The following TPR variants were observed in gnomAD, a reference collection of about 807,000 sequenced individuals.
The protein encoded by TPR is nucleoprotein TPR.
Under a neutral mutation model 316.1 loss-of-function variants are expected in TPR, and 51 were observed. That is an observed-to-expected ratio of 0.16 (90% CI 0.13 to 0.20). The LOEUF (loss-of-function observed/expected upper bound fraction) is 0.20, where lower values mean the gene tolerates loss of function less well. Among genes scored for constraint, TPR ranks in the 10% least tolerant of loss-of-function variants. TPR has a pLI of 1.00. For missense variants in TPR, 2,272 were observed against 2,754.8 expected, an observed-to-expected ratio of 0.82 and a Z score of 3.92; for synonymous variants, 981 against 914.7, an observed-to-expected ratio of 1.07 and a Z score of -1.31.
At chr1:186,344,339 T>C (rs751022323) in intron 25 of TPR, 36 bp downstream of exon 25, 159 of 1,590,264 alleles carry the variant, frequency 1.0e-4, no homozygotes, top group Non-Finnish European at 1.3e-4. Context: ...ACTCTTTCAA[T>C]TCAACAGAAC....
Position 186,358,665 on chromosome 1 carries a change from T to C in TPR, c.1390-15A>G, listed in dbSNP as rs769862303. On this transcript the variant is annotated splice_polypyrimidine_tract_variant and intron_variant, in intron 12 of 50. Coordinates refer to ENST00000367478, the MANE Select transcript of TPR (RefSeq NM_003292.3). ...CGCTGAATCTCCTTTAAAATGTAAA[T>C]TCAAGTGAAAATTTTGTACTTCCTT... 5 of 1,607,238 alleles carry C rather than the reference T, an allele frequency of 3.1e-6. No individual in the cohort carries two copies. The highest frequency in any genetic ancestry group is 3.4e-6 in the Non-Finnish European group (4 of 1,176,884).
intron 43 of TPR, 78 bp from the exon 44 acceptor site, chr1:186,322,664 A>ATC: frequency 7.1e-7 from 1 of 1,404,666 alleles, no homozygotes; most frequent in South Asian, 1.2e-5. Context: ...CAACAGATAC[A>ATC]GCTTATTACG....
intron 12 of TPR, 27 bp downstream of exon 12, chr1:186,359,772 C>A: frequency 6.4e-7 from 1 of 1,566,892 alleles, no homozygotes; most frequent in Non-Finnish European, 8.6e-7. Context: ...ATTGTTACCA[C>A]GGCTAAATTT....
chr1:186,357,138 G>A (rs1659052574), intron 14 of TPR, among the ~76,000 whole-genome samples: 1 of 151,984 alleles, frequency 6.6e-6, no homozygotes. Flanking sequence ...TCAAACTCCT[G>A]GACTCAAGTG....
rs765308674 is a variant in TPR at position 186,341,381 on chromosome 1, T to C, written c.3759A>G (p.Ala1253=). 3 of 1,612,518 alleles carry C rather than the reference T, an allele frequency of 1.9e-6. No individual in the cohort carries two copies. Among genetic ancestry groups the C allele is most frequent in the Non-Finnish European group, 2.5e-6 (3 of 1,179,854 alleles). Residue 1253 remains alanine (A), a synonymous_variant, in exon 28 of 51, where the codon GCA becomes GCG. Coordinates refer to ENST00000367478, the MANE Select transcript of TPR (RefSeq NM_003292.3). ...NAEREKVQVT[A]KTMAQHEELM... Reference sequence around the variant, plus strand: ...GTTCTTCATGCTGAGCCATTGTTTTTGCAGTTACCTAAACATTTCAAATAA... The same window carrying C: ...GTTCTTCATGCTGAGCCATTGTTTTCGCAGTTACCTAAACATTTCAAATAA...
At chr1:186,357,813 C>G (rs1484757378) in intron 13 of TPR, among the ~76,000 whole-genome samples, 190 bp from the exon 14 acceptor site, 3 of 152,056 alleles carry the variant, frequency 2.0e-5, no homozygotes, top group African/African-American at 7.2e-5. Flanking sequence ...AATAAAATTA[C>G]TTTTAAGTAT....
chr1:186,320,120 G>C (rs144703230), intron 46 of TPR, among the ~76,000 whole-genome samples, 192 bp downstream of exon 46: 8 of 152,274 alleles, frequency 5.3e-5, no homozygotes, highest in African/African-American at 9.6e-5. Context: ...AAAGAAATTA[G>C]AACTTTGTTG....
intron 14 of TPR, chr1:186,356,666 T>G (rs1659037820): frequency 2.3e-6 from 1 of 432,626 alleles, no homozygotes; most frequent in Non-Finnish European, 4.1e-6. Flanking sequence ...CTGAAAAATT[T>G]GTTTGTAAAA....
At chr1:186,345,149 C>CT (rs1280203285) in intron 24 of TPR, among the ~76,000 whole-genome samples, 1 of 129,914 alleles carries the variant, frequency 7.7e-6, no homozygotes, top group Non-Finnish European at 1.8e-5. Context: ...AATAATGATA[C>CT]TTTTTTAACA....
intron 17 of TPR, 107 bp downstream of exon 17, chr1:186,355,303 T>G: frequency 8.4e-7 from 1 of 1,193,770 alleles, no homozygotes; most frequent in Admixed American, 2.5e-5. Flanking sequence ...TGGAACACAG[T>G]TCACAAAAAA....
chr1:186,351,762 A>C (rs1658868109), intron 19 of TPR, among the ~76,000 whole-genome samples: 1 of 152,182 alleles, frequency 6.6e-6, no homozygotes, highest in South Asian at 2.1e-4. Flanking sequence ...CACTGTAAAT[A>C]TACCTGAGGA....
Position 186,312,200 on chromosome 1 carries a change from T to A in TPR, c.*1771A>T. 6.2e-7 allele frequency: 1 copy of A among 1,614,006 alleles called. No individual in the cohort carries two copies. The highest frequency in any genetic ancestry group is 8.5e-7 in the Non-Finnish European group (1 of 1,179,922). ...GTGGCAGCATTCAGCAGTATATTTA[T>A]AAACAGGAACCTGTACAGAAGTGCC... On this transcript the variant is annotated 3_prime_UTR_variant, in exon 51 of 51. Transcript: ENST00000367478.
chr1:186,351,250 T>C, intron 20 of TPR, 80 bp downstream of exon 20: 2 of 1,416,658 alleles, frequency 1.4e-6, no homozygotes, highest in Non-Finnish European at 1.9e-6. Context: ...TGCTTCATCT[T>C]GGATGGCAGA....
Position 186,359,929 on chromosome 1 carries a change from T to A in TPR, c.1259A>T (p.Asn420Ile). 4.3e-6 allele frequency: 7 copies of A among 1,609,850 alleles called. No homozygotes were observed. Among genetic ancestry groups the A allele is most frequent in the Non-Finnish European group, 5.9e-6 (7 of 1,178,962 alleles). The change falls in exon 12 of 51, where the codon AAT (asparagine) becomes ATT (isoleucine). Residue 420 changes from asparagine to isoleucine, a missense_variant. Asn to Ile is a moderately radical substitution (Grantham distance 149). Coordinates refer to ENST00000367478, the MANE Select transcript of TPR (RefSeq NM_003292.3). ...TTTCACTATTTCATCTAGGTACTTATTAATTCTTTTGTTCTCTAGTTTCTC... is the reference window on the plus strand; with the variant it reads ...TTTCACTATTTCATCTAGGTACTTAATAATTCTTTTGTTCTCTAGTTTCTC... ...LLEKLENKRI[N>I]KYLDEIVKEV...
chr1:186,317,359 T>C (rs937435471), intron 49 of TPR, 123 bp downstream of exon 49: 1 of 774,076 alleles, frequency 1.3e-6, no homozygotes, highest in African/African-American at 1.8e-5. Context: ...AAAATTTCTC[T>C]TTTAAATAAA....
At chr1:186,346,762 A>G (rs1335979990) in intron 22 of TPR, among the ~76,000 whole-genome samples, 2 of 152,304 alleles carry the variant, frequency 1.3e-5, no homozygotes, top group East Asian at 3.9e-4. Context: ...TGATTATGAC[A>G]TGTTAAAAAA....
chr1:186,363,490 CA>C, intron 4 of TPR, 45 bp from the exon 5 acceptor site: 1 of 1,264,366 alleles, frequency 7.9e-7, no homozygotes, highest in Non-Finnish European at 1.1e-6. Flanking sequence ...AATTAACACT[CA>C]GGGGAACCAA....
At chr1:186,340,006 T>C (rs565962511) in intron 29 of TPR, among the ~76,000 whole-genome samples, 4 of 152,342 alleles carry the variant, frequency 2.6e-5, no homozygotes, top group African/African-American at 7.2e-5. Flanking sequence ...TCATTATTTT[T>C]TCATATTTGT....
At chr1:186,348,764 G>T (rs1658759692) in intron 21 of TPR, among the ~76,000 whole-genome samples, 1 of 152,130 alleles carries the variant, frequency 6.6e-6, no homozygotes, top group Non-Finnish European at 1.5e-5. Flanking sequence ...AAGATTGGGG[G>T]TGTGTTCTCC....
Sources: allele counts gnomAD v4.1 joint callset (sites outside exome capture counted in the v4.1 genomes callset), GRCh38; gene constraint gnomAD v4.1.1; transcripts MANE v1.5; gene names NCBI Gene and HGNC (gene_info 2026-07-23, HGNC 2026-07-21).